WIPF1: variants seen among roughly 807,000 people sequenced by gnomAD.
WIPF1 encodes the protein WAS/WASL interacting protein family member 1.
In WIPF1, 13 loss-of-function variants were observed where a neutral mutation model predicts 35.4. The observed-to-expected ratio is 0.37, with a 90% confidence interval of 0.24 to 0.58. The LOEUF is 0.58. Among genes scored for constraint, WIPF1 ranks in the 20% least tolerant of loss-of-function variants. The pLI is 0.74. For synonymous variants in WIPF1, 267 were observed against 266.3 expected, an observed-to-expected ratio of 1.00 and a Z score of -0.02; for missense variants, 591 against 667.0, an observed-to-expected ratio of 0.89 and a Z score of 1.25.
chr2:174,586,658 G>A (rs1685433017), intron 1 of WIPF1, among the ~76,000 whole-genome samples: 2 of 152,008 alleles, frequency 1.3e-5, no homozygotes, highest in Admixed American at 1.3e-4. Flanking sequence ...TAGAACCCCT[G>A]CTCCCTCTGC....
chr2:174,623,361 G>T (rs928903876), intron 1 of WIPF1: 1 of 152,228 alleles, frequency 6.6e-6, no homozygotes, highest in African/African-American at 2.4e-5. Context: ...GTTCCCATCT[G>T]AAAGTTTGGG....
intron 1 of WIPF1, among the ~76,000 whole-genome samples, chr2:174,671,751 C>T (rs540921364): frequency 1.7e-4 from 26 of 152,168 alleles, no homozygotes; most frequent in Admixed American, 7.2e-4. Flanking sequence ...CCTATTAGGA[C>T]GAGGAAATTC....
In WIPF1 at chr2:174,617,093, G is replaced by GT. The variant is rs1686530040; in HGVS notation, c.-38-31483dup. On this transcript the variant is annotated intron_variant, in intron 1 of 8. Coordinates refer to the WIPF1 transcript ENST00000272746. ...TCAGTTCAGAACATTTAGGGCCCAT[G>GT]TTACATGTGGGGATAATTAAAATGT... is the stretch of plus-strand genomic sequence containing the variant. Among the ~76,000 whole-genome samples the GT allele has an allele frequency of 2.6e-5, 4 of 152,210 alleles. No homozygotes were observed. The South Asian group carries it at 8.3e-4, about 32-fold the overall frequency.
chr2:174,682,240 CCCGGGAGGG>C (rs1688264079), intron 1 of WIPF1, among the ~76,000 whole-genome samples: 1 of 152,204 alleles, frequency 6.6e-6, no homozygotes, highest in Non-Finnish European at 1.5e-5. Flanking sequence ...GAGCGGGCCG[CCCGGGAGGG>C]CCGGGAGGGA....
intron 1 of WIPF1, among the ~76,000 whole-genome samples, chr2:174,662,462 A>T (rs984861780): frequency 6.6e-6 from 1 of 152,316 alleles, no homozygotes; most frequent in Middle Eastern, 3.4e-3. Flanking sequence ...ACCTTTGGTT[A>T]GTGCTGAAGA....
chr2:174,581,511 A>C (rs562347472), intron 2 of WIPF1, 72 bp from the exon 3 acceptor site: 26 of 1,573,792 alleles, frequency 1.7e-5, no homozygotes, highest in Non-Finnish European at 2.1e-5. Flanking sequence ...TCGGCTGGGA[A>C]AGGTTGGGTA....
rs1240239308 is a variant in WIPF1, at chr2:174,642,929, T to A, written c.-39+39845A>T. Among the ~76,000 whole-genome samples, 3 of 149,704 alleles carry A rather than the reference T, an allele frequency of 2.0e-5. 1 individual carries two copies. Among genetic ancestry groups the A allele is most frequent in the African/African-American group, 5.1e-5 (2 of 39,030 alleles). On this transcript the variant is annotated intron_variant, in intron 1 of 8. Coordinates refer to the WIPF1 transcript ENST00000272746. ...TTTTAAATAAAAGCCTTAACTTATT[T>A]AAGTGTATTTTTAGTCCTATTCCAC... is the stretch of plus-strand genomic sequence containing the variant.
chr2:174,569,067 T>C (rs1684753274), intron 5 of WIPF1, among the ~76,000 whole-genome samples: 1 of 152,202 alleles, frequency 6.6e-6, no homozygotes, highest in South Asian at 2.1e-4. Context: ...TAAATCAAAA[T>C]GGCCTTAGTA....
At chr2:174,578,117 A>G (rs1327747731) in intron 3 of WIPF1, among the ~76,000 whole-genome samples, 1 of 152,098 alleles carries the variant, frequency 6.6e-6, no homozygotes, top group Non-Finnish European at 1.5e-5. Context: ...TCTTTACAGA[A>G]TGTTTACAGC....
chr2:174,575,145 C>G (rs1239651268), intron 4 of WIPF1, 59 bp downstream of exon 4: 1 of 1,554,174 alleles, frequency 6.4e-7, no homozygotes, highest in East Asian at 2.3e-5. Context: ...TGACCAGCCT[C>G]CAAACTGCCA....
chr2:174,607,935 T>C (rs1233940338), intron 1 of WIPF1, among the ~76,000 whole-genome samples: 1 of 152,110 alleles, frequency 6.6e-6, no homozygotes, highest in Non-Finnish European at 1.5e-5. Context: ...TAACCTGGGG[T>C]TGTGATTATG....
At position 174,657,766 on chromosome 2, in the gene WIPF1, T is replaced by C. The variant is rs1687674076; in HGVS notation, c.-39+25008A>G. 2.0e-5 allele frequency among the ~76,000 whole-genome samples: 3 copies of C among 151,968 alleles called. No individual in the cohort carries two copies. In the South Asian group the frequency reaches 6.2e-4, roughly 32 times the overall value. On this transcript the variant is annotated intron_variant, in intron 1 of 8. Transcript: ENST00000272746. ...AAAAATAAAAAAATAAAAAATTAGC[T>C]GGGCGTGGTGGTGCATGCCTGTAAT...
At chr2:174,577,005 T>C (rs1191844885) in intron 3 of WIPF1, among the ~76,000 whole-genome samples, 2 of 152,234 alleles carry the variant, frequency 1.3e-5, no homozygotes, top group African/African-American at 4.8e-5. Context: ...AGATGTGGTA[T>C]ATTTTCCCAT....
Position 174,561,933 on chromosome 2 carries a change from G to T in WIPF1, c.*614C>A. On this transcript the variant is annotated 3_prime_UTR_variant, in exon 8 of 8. Coordinates refer to ENST00000679041, the MANE Select transcript of WIPF1 (RefSeq NM_001375834.1). ...CATTAAAATTTTATGTTGATTACAGGTTGAAATATTTTGGATGCATATTAA... is the reference window on the plus strand; with the variant it reads ...CATTAAAATTTTATGTTGATTACAGTTTGAAATATTTTGGATGCATATTAA... The T allele has an allele frequency of 2.3e-6, 2 of 859,442 alleles. No individual in the cohort carries two copies. The highest frequency in any genetic ancestry group is 3.5e-6 in the Non-Finnish European group (2 of 570,424). The allele number at this position is 859,442 out of a possible 1,614,324, so 53.2% of individuals were successfully genotyped here.
intron 1 of WIPF1, among the ~76,000 whole-genome samples, chr2:174,671,982 C>A (rs1688028520): frequency 6.6e-6 from 1 of 152,158 alleles, no homozygotes; most frequent in Admixed American, 6.5e-5. Context: ...TTGTACACTC[C>A]CTCCCCTTTG....
chr2:174,646,965 A>C lies in WIPF1; in HGVS notation c.-39+35809T>G, dbSNP rs144872535. 7.1e-4 allele frequency among the ~76,000 whole-genome samples: 108 copies of C among 152,310 alleles called. No homozygotes were observed. In the Middle Eastern group the frequency reaches 0.017, roughly 24 times the overall value. ...TGCATGCAGGAAATAAAGGATATTC[A>C]GAAATCAAACGGAACAGAGCTGCAG... is the stretch of plus-strand genomic sequence containing the variant. On this transcript the variant is annotated intron_variant, in intron 1 of 8. Coordinates refer to the WIPF1 transcript ENST00000272746.
At chr2:174,642,735 G>C (rs1446450653) in intron 1 of WIPF1, among the ~76,000 whole-genome samples, 1 of 148,534 alleles carries the variant, frequency 6.7e-6, no homozygotes, top group Admixed American at 6.6e-5. Flanking sequence ...CGGAAACCTT[G>C]AACTCCTGCC....
intron 1 of WIPF1, among the ~76,000 whole-genome samples, chr2:174,632,261 T>C (rs1687045394): frequency 2.6e-5 from 4 of 152,188 alleles, no homozygotes; most frequent in South Asian, 4.1e-4. Context: ...AGGTTTTGTA[T>C]AATGATGACA....
At chr2:174,620,372 T>A (rs1237157560) in intron 1 of WIPF1, among the ~76,000 whole-genome samples, 4 of 152,244 alleles carry the variant, frequency 2.6e-5, no homozygotes, top group Non-Finnish European at 5.9e-5. Context: ...AAGCCATTGT[T>A]ACCGGGGTGA....
Sources: allele counts gnomAD v4.1 joint callset (sites outside exome capture counted in the v4.1 genomes callset), GRCh38; gene constraint gnomAD v4.1.1; transcripts MANE v1.5; gene names NCBI Gene and HGNC (gene_info 2026-07-23, HGNC 2026-07-21).